SGPP1: variants seen among roughly 807,000 people sequenced by gnomAD.
SGPP1 encodes the protein sphingosine-1-phosphate phosphatase 1.
Under a neutral mutation model 33.0 loss-of-function variants are expected in SGPP1, and 21 were observed. The ratio of observed to expected loss-of-function variants is 0.64; its 90% CI spans 0.45 to 0.92. The LOEUF (loss-of-function observed/expected upper bound fraction) is 0.92. SGPP1 is among the 40% of genes least tolerant of loss of function. The pLI is 0.00. For synonymous variants in SGPP1, 239 were observed against 241.2 expected (o/e 0.99, Z 0.08); for missense variants, 543 against 589.4 (o/e 0.92, Z 0.81).
intron 1 of SGPP1, among the ~76,000 whole-genome samples, chr14:63,705,923 A>G (rs1885401370): frequency 6.6e-6 from 1 of 152,236 alleles, no homozygotes; most frequent in Admixed American, 6.5e-5. Context: ...ACACATTTCC[A>G]ATTTTAACTA....
At chr14:63,721,939 T>G (rs1310981230) in intron 1 of SGPP1, among the ~76,000 whole-genome samples, 3 of 152,218 alleles carry the variant, frequency 2.0e-5, no homozygotes, top group Non-Finnish European at 2.9e-5. Flanking sequence ...ATTCTCATAT[T>G]TTAAGAATAC....
At chr14:63,727,229 C>T (rs2139659122) in intron 1 of SGPP1, 32 bp downstream of exon 1, 2 of 1,571,016 alleles carry the variant, frequency 1.3e-6, no homozygotes, top group Non-Finnish European at 8.6e-7. Context: ...TTTGAACTCC[C>T]CCAGGCTGAA....
chr14:63,703,655 C>CAAAAAA (rs36065588), intron 1 of SGPP1, among the ~76,000 whole-genome samples: 24 of 38,774 alleles, frequency 6.2e-4, no homozygotes, highest in East Asian at 2.3e-3. Context: ...GACTCCATCT[C>CAAAAAA]AAAAAAAAAA....
rs1197043917 is a variant in SGPP1 at position 63,685,358 on chromosome 14, C to G, written c.*747G>C. 2 of 152,354 alleles carry G rather than the reference C, an allele frequency of 1.3e-5. No individual in the cohort carries two copies. The highest frequency in any genetic ancestry group is 4.8e-5 in the African/African-American group (2 of 41,392). 9.4% of individuals were successfully genotyped at this position (152,354 alleles called of 1,614,324 possible). A position where few individuals can be genotyped will look rare whatever the true frequency, so the allele number is the denominator to read the frequency against. ...ATTTCTTAATTTAGCAACGGAAAGG[C>G]ACAATTAGCAAGCAATAAAATTCAG... On this transcript the variant is annotated 3_prime_UTR_variant, in exon 3 of 3. Coordinates refer to ENST00000247225, the MANE Select transcript of SGPP1 (RefSeq NM_030791.4).
chr14:63,717,441 C>T (rs1885657904), intron 1 of SGPP1, among the ~76,000 whole-genome samples: 1 of 151,906 alleles, frequency 6.6e-6, no homozygotes, highest in African/African-American at 2.4e-5. Context: ...CCTGCCTCAA[C>T]CTCCCGAGTA....
At chr14:63,699,235 TAGG>T (rs1475620806) in intron 1 of SGPP1, among the ~76,000 whole-genome samples, 1 of 152,196 alleles carries the variant, frequency 6.6e-6, no homozygotes, top group African/African-American at 2.4e-5. Context: ...CGTGGAATAC[TAGG>T]AGCACAAATC....
intron 1 of SGPP1, among the ~76,000 whole-genome samples, chr14:63,711,405 G>A (rs564403713): frequency 6.6e-6 from 1 of 152,104 alleles, no homozygotes; most frequent in Non-Finnish European, 1.5e-5. Context: ...GAACCAATAG[G>A]ATATGTATAT....
intron 1 of SGPP1, among the ~76,000 whole-genome samples, chr14:63,719,015 T>TATATATATATATA (rs1491285317): frequency 3.2e-4 from 5 of 15,586 alleles, no homozygotes; most frequent in East Asian, 2.5e-3. Flanking sequence ...TATATATATA[T>TATATATATATATA]TTTTTTTTTT....
intron 1 of SGPP1, among the ~76,000 whole-genome samples, chr14:63,705,769 G>C (rs1885398223): frequency 6.6e-6 from 1 of 152,152 alleles, no homozygotes; most frequent in Non-Finnish European, 1.5e-5. Flanking sequence ...AAAGAAAAAA[G>C]ACAGGAAAGT....
chr14:63,722,388 G>A (rs571721061), intron 1 of SGPP1, among the ~76,000 whole-genome samples: 6 of 148,584 alleles, frequency 4.0e-5, no homozygotes, highest in South Asian at 2.1e-4. Flanking sequence ...AAAATTAGCC[G>A]GGCGTGGTGG....
At chr14:63,717,423 G>A (rs1308160102) in intron 1 of SGPP1, among the ~76,000 whole-genome samples, 1 of 151,462 alleles carries the variant, frequency 6.6e-6, no homozygotes. Context: ...CCAGGTTCAC[G>A]CCATTCTCCT....
rs140218150 is a variant in SGPP1, at chr14:63,705,405, C to T, written c.685-6747G>A. Among the ~76,000 whole-genome samples, 873 of 151,344 alleles carry T rather than the reference C, an allele frequency of 5.8e-3. 6 individuals are homozygous for T. The highest frequency in any genetic ancestry group is 0.02 in the African/African-American group (839 of 41,208). ...TATGCTCGCCTGGCATGGTGGCTCA[C>T]ACTTGTAATCCCAGCACTTTGGGGG... is the stretch of plus-strand genomic sequence containing the variant. On this transcript the variant is annotated intron_variant, in intron 1 of 2. Transcript: ENST00000247225.
intron 1 of SGPP1, among the ~76,000 whole-genome samples, chr14:63,726,935 C>T (rs1010748969): frequency 4.6e-5 from 7 of 152,174 alleles, no homozygotes; most frequent in Non-Finnish European, 7.3e-5. Flanking sequence ...TTCACTTCCA[C>T]TGTGCATTAC....
In SGPP1 at chr14:63,690,461, A is replaced by G. The variant is rs1885070401; in HGVS notation, c.775-3805T>C. 2.0e-5 allele frequency among the ~76,000 whole-genome samples: 3 copies of G among 152,250 alleles called. 1 individual carries two copies. The highest frequency in any genetic ancestry group is 6.3e-3 in the Middle Eastern group (2 of 316). On this transcript the variant is annotated intron_variant, in intron 2 of 2. Transcript: ENST00000247225. ...ACTCCAAATCGGAACACTTTGGAAT[A>G]TAAGAATAGCTGGAGAAGAAGATAC...
rs1375808244 is a variant in SGPP1 at position 63,727,326 on chromosome 14, T to C, written c.619A>G (p.Thr207Ala). The C allele has an allele frequency of 6.2e-7, 1 of 1,613,770 alleles. No homozygotes were observed. Among genetic ancestry groups the C allele is most frequent in the Admixed American group, 1.7e-5 (1 of 59,968 alleles). The change falls in exon 1 of 3, where the codon ACC becomes GCC. Residue 207 changes from threonine to alanine, a missense_variant. Physicochemically the swap from Thr to Ala is moderately conservative, Grantham distance 58. Transcript: ENST00000247225. ...FYNSEYSMPS[T>A]HAMSGTAIPI... ...ATGGCGGTGCCGGACATGGCATGGG[T>C]GGAGGGCATGCTGTACTCAGAGTTG... is the stretch of plus-strand genomic sequence containing the variant.
chr14:63,727,146 T>C, intron 1 of SGPP1, 115 bp downstream of exon 1: 1 of 1,429,970 alleles, frequency 7.0e-7, no homozygotes, highest in Non-Finnish European at 9.1e-7. Context: ...TGTGAAAACC[T>C]GTGGAAAGAG....
intron 1 of SGPP1, among the ~76,000 whole-genome samples, chr14:63,704,452 C>G (rs894594507): frequency 2.0e-5 from 3 of 152,218 alleles, no homozygotes; most frequent in African/African-American, 4.8e-5. Flanking sequence ...GCTAGGACGT[C>G]TGAATACCTA....
chr14:63,692,966 C>T (rs1362638430), intron 2 of SGPP1, among the ~76,000 whole-genome samples: 4 of 152,194 alleles, frequency 2.6e-5, no homozygotes, highest in Non-Finnish European at 5.9e-5. Context: ...GAGAGGATCT[C>T]ACTGTATGGC....
At chr14:63,691,176 ACAAT>A (rs1384114886) in intron 2 of SGPP1, among the ~76,000 whole-genome samples, 3 of 152,246 alleles carry the variant, frequency 2.0e-5, no homozygotes, top group African/African-American at 7.2e-5. Flanking sequence ...AAGATATTAC[ACAAT>A]CAATTAACAA....
Sources: gnomAD v4.1 joint callset for allele counts (sites outside exome capture counted in the v4.1 genomes callset) on GRCh38, gnomAD v4.1.1 for gene constraint, MANE v1.5 for transcripts, NCBI Gene and HGNC (gene_info 2026-07-23, HGNC 2026-07-21) for gene names.